GALNTL6: variants seen among roughly 807,000 people sequenced by gnomAD.
GALNTL6 encodes polypeptide N-acetylgalactosaminyltransferase like 6.
GALNTL6 carries 46 observed loss-of-function variants against 73.7 expected under a neutral mutation model. The observed-to-expected ratio is 0.62, with a 90% confidence interval of 0.49 to 0.80. GALNTL6 has a LOEUF of 0.80. Ranked by LOEUF, GALNTL6 falls within the 30% of genes least tolerant of loss-of-function variation. The pLI is 0.00. For synonymous variants in GALNTL6, 259 were observed against 263.7 expected, an observed-to-expected ratio of 0.98 and a Z score of 0.17; for missense variants, 604 against 755.0, an observed-to-expected ratio of 0.80 and a Z score of 2.34.
intron 2 of GALNTL6, among the ~76,000 whole-genome samples, chr4:172,131,217 A>C (rs2111018190): frequency 6.6e-6 from 1 of 151,812 alleles, no homozygotes; most frequent in Admixed American, 6.6e-5. Flanking sequence ...ATTATAAGTA[A>C]GTACTGGGGC....
chr4:172,083,271 A>T (rs1731934104), intron 2 of GALNTL6, among the ~76,000 whole-genome samples: 1 of 152,152 alleles, frequency 6.6e-6, no homozygotes, highest in Admixed American at 6.5e-5. Context: ...TCTTTGCCCC[A>T]CTTCAAGACA....
intron 3 of GALNTL6, among the ~76,000 whole-genome samples, chr4:172,233,723 CTTCTT>C (rs1208657816): frequency 1.4e-4 from 22 of 152,008 alleles, no homozygotes; most frequent in Non-Finnish European, 5.9e-5. Context: ...CATTCTTGCT[CTTCTT>C]TTTGTTGTCA....
At chr4:171,995,866 C>T (rs537763276) in intron 2 of GALNTL6, among the ~76,000 whole-genome samples, 11 of 152,032 alleles carry the variant, frequency 7.2e-5, no homozygotes, top group African/African-American at 2.4e-4. Flanking sequence ...CTACACATTA[C>T]AGTTTTAAAG....
At chr4:171,927,109 A>T (rs1467218140) in intron 2 of GALNTL6, among the ~76,000 whole-genome samples, 1 of 152,056 alleles carries the variant, frequency 6.6e-6, no homozygotes, top group Non-Finnish European at 1.5e-5. Context: ...AGCACAATTC[A>T]TGAAACAGTG....
intron 5 of GALNTL6, among the ~76,000 whole-genome samples, chr4:172,779,955 T>C (rs1013360391): frequency 6.6e-6 from 1 of 152,202 alleles, no homozygotes; most frequent in Non-Finnish European, 1.5e-5. Flanking sequence ...TAAAAAGTAT[T>C]CGTTCCTCTG....
intron 2 of GALNTL6, among the ~76,000 whole-genome samples, chr4:172,158,395 T>C (rs1734350536): frequency 1.3e-5 from 2 of 152,106 alleles, no homozygotes; most frequent in African/African-American, 4.8e-5. Context: ...TTCCCCTGGT[T>C]ACTCAGATTT....
At chr4:172,887,811 G>A (rs1352189097) in intron 8 of GALNTL6, among the ~76,000 whole-genome samples, 1 of 152,066 alleles carries the variant, frequency 6.6e-6, no homozygotes, top group Non-Finnish European at 1.5e-5. Flanking sequence ...TGATCTGCCT[G>A]CCTCGGCCTC....
rs146973055 is a variant in GALNTL6 at position 172,424,487 on chromosome 4, GCTAA to G, written c.553+75802_553+75805del. ...AGAGGAAGTGTTTTAGTGACGGTGA[GCTAA>G]CTATTATAAAAAATAAATTAAAACT... is the stretch of plus-strand genomic sequence containing the variant. On this transcript the variant is annotated intron_variant, in intron 5 of 12. Coordinates refer to ENST00000506823, the MANE Select transcript of GALNTL6 (RefSeq NM_001034845.3). Among the ~76,000 whole-genome samples the G allele has an allele frequency of 3.6e-3, 545 of 152,174 alleles. 3 individuals are homozygous for G. The highest frequency in any genetic ancestry group is 3.6e-3 in the Admixed American group (55 of 15,254).
Position 173,040,987 on chromosome 4 carries a change from A to G in GALNTL6, c.*887A>G, listed in dbSNP as rs140224574. On this transcript the variant is annotated 3_prime_UTR_variant, in exon 13 of 13. Transcript: ENST00000506823. Reference sequence around the variant, plus strand: ...TTATTTTTAAAATCTTAAAAGTCTGATATTTGTCCAGTCATAATTTTTATT... The same window carrying G: ...TTATTTTTAAAATCTTAAAAGTCTGGTATTTGTCCAGTCATAATTTTTATT... The G allele has an allele frequency of 6.6e-6, 1 of 152,520 alleles. No homozygotes were observed. The highest frequency in any genetic ancestry group is 1.9e-4 in the East Asian group (1 of 5,188). The allele number at this position is 152,520 out of a possible 1,614,324, so 9.4% of individuals were successfully genotyped here.
chr4:172,627,555 G>A (rs545384170), intron 5 of GALNTL6, among the ~76,000 whole-genome samples: 76 of 150,730 alleles, frequency 5.0e-4, no homozygotes, highest in African/African-American at 1.7e-3. Context: ...TTTTCGAATA[G>A]TTTCAGTGGA....
At chr4:171,889,204 C>T (rs994011707) in intron 2 of GALNTL6, among the ~76,000 whole-genome samples, 1 of 151,806 alleles carries the variant, frequency 6.6e-6, no homozygotes, top group African/African-American at 2.4e-5. Flanking sequence ...TTTTTTATAG[C>T]TGAAAACAGA....
chr4:172,177,301 A>G (rs576853123), intron 2 of GALNTL6, among the ~76,000 whole-genome samples: 2 of 152,210 alleles, frequency 1.3e-5, no homozygotes, highest in African/African-American at 2.4e-5. Flanking sequence ...GTGTAGTGAC[A>G]TACGTGAAGT....
At chr4:172,704,007 G>A (rs932726333) in intron 5 of GALNTL6, among the ~76,000 whole-genome samples, 2 of 151,764 alleles carry the variant, frequency 1.3e-5, no homozygotes, top group Non-Finnish European at 2.9e-5. Context: ...ACTCTCTAAT[G>A]ATCCTTTGTA....
intron 2 of GALNTL6, among the ~76,000 whole-genome samples, chr4:172,050,653 A>AC (rs1730827826): frequency 6.6e-6 from 1 of 152,098 alleles, no homozygotes; most frequent in Non-Finnish European, 1.5e-5. Context: ...CAATTCAGGG[A>AC]CGTTAGTTAT....
At position 172,418,667 on chromosome 4, in the gene GALNTL6, G is replaced by A. The variant is rs183208087; in HGVS notation, c.553+69978G>A. Among the ~76,000 whole-genome samples, 124 of 152,234 alleles carry A rather than the reference G, an allele frequency of 8.1e-4. 1 individual carries two copies. The South Asian group carries it at 0.016, about 20-fold the overall frequency. ...GCATCTTGGAGTAGTTTGTTATACC[G>A]TGTCATTGTGGCAATAGCCAACTGA... On this transcript the variant is annotated intron_variant, in intron 5 of 12. Coordinates refer to ENST00000506823, the MANE Select transcript of GALNTL6 (RefSeq NM_001034845.3).
chr4:172,009,653 A>G (rs976214701), intron 2 of GALNTL6, among the ~76,000 whole-genome samples: 1 of 152,044 alleles, frequency 6.6e-6, no homozygotes, highest in Non-Finnish European at 1.5e-5. Context: ...TTTGTGGTAT[A>G]TTGCATTGTT....
intron 2 of GALNTL6, among the ~76,000 whole-genome samples, chr4:171,993,098 C>T (rs1054477337): frequency 3.3e-5 from 5 of 152,000 alleles, no homozygotes; most frequent in East Asian, 3.9e-4. Flanking sequence ...CCCAACAACA[C>T]GGCATATTTA....
chr4:172,725,995 T>C (rs529324106), intron 5 of GALNTL6, among the ~76,000 whole-genome samples: 277 of 152,334 alleles, frequency 1.8e-3, no homozygotes, highest in Admixed American at 4.8e-3. Context: ...ATGATTATAA[T>C]TGAGGCAGCG....
At chr4:172,386,040 A>G (rs952779782) in intron 5 of GALNTL6, among the ~76,000 whole-genome samples, 4 of 152,126 alleles carry the variant, frequency 2.6e-5, no homozygotes, top group Admixed American at 1.3e-4. Context: ...GCTTTGTTCT[A>G]TGTACTCCTG....
Sources: allele counts gnomAD v4.1 joint callset (sites outside exome capture counted in the v4.1 genomes callset), GRCh38; gene constraint gnomAD v4.1.1; transcripts MANE v1.5; gene names NCBI Gene and HGNC (gene_info 2026-07-23, HGNC 2026-07-21).